Variants in EFCAB13 observed in about 807,000 individuals in gnomAD.
EFCAB13 encodes the protein EF-hand calcium binding domain 13, also known as EF-hand calcium-binding domain-containing protein 13.
EFCAB13 carries 91 observed loss-of-function variants against 110.2 expected under a neutral mutation model. The observed-to-expected ratio is 0.83, with a 90% CI of 0.70 to 0.98. The LOEUF is 0.98. Ranked by LOEUF, EFCAB13 falls within the 50% of genes least tolerant of loss-of-function variation. The pLI, the probability that EFCAB13 is intolerant of heterozygous loss-of-function variation, is 0.00. For missense variants in EFCAB13, 968 were observed against 1,119.4 expected (o/e 0.86, Z 1.93); for synonymous variants, 323 against 369.9 (o/e 0.87, Z 1.45).
At chr17:47,388,524 A>G (rs150379573) in intron 14 of EFCAB13, among the ~76,000 whole-genome samples, 1 of 152,230 alleles carries the variant, frequency 6.6e-6, no homozygotes, top group East Asian at 1.9e-4. Context: ...CTGTTCTGCC[A>G]TTTTGGTGAC....
At chr17:47,399,017 G>C (rs1367506452) in intron 17 of EFCAB13, among the ~76,000 whole-genome samples, 1 of 152,126 alleles carries the variant, frequency 6.6e-6, no homozygotes, top group African/African-American at 2.4e-5. Flanking sequence ...TCTGCCTCCC[G>C]GTTCAAGCGA....
At chr17:47,344,950 T>C (rs911478948) in intron 7 of EFCAB13, 66 bp from the exon 8 acceptor site, 1 of 1,208,400 alleles carries the variant, frequency 8.3e-7, no homozygotes, top group Non-Finnish European at 1.2e-6. Context: ...GTAAGTTTGC[T>C]AATATTTTAA....
At chr17:47,409,149 C>T (rs1258623999) in intron 20 of EFCAB13, among the ~76,000 whole-genome samples, 1 of 152,114 alleles carries the variant, frequency 6.6e-6, no homozygotes, top group Non-Finnish European at 1.5e-5. Flanking sequence ...GTTTGTTCCT[C>T]AGATCTCTAC....
At chr17:47,397,555 C>G (rs551103767) in intron 17 of EFCAB13, among the ~76,000 whole-genome samples, 267 of 150,724 alleles carry the variant, frequency 1.8e-3, no homozygotes, top group Non-Finnish European at 2.8e-3. Context: ...GCCATCCCAT[C>G]TAGGAAGTGA....
intron 23 of EFCAB13, among the ~76,000 whole-genome samples, chr17:47,419,871 AAAAC>A (rs1418769821): frequency 6.6e-6 from 1 of 151,848 alleles, no homozygotes; most frequent in African/African-American, 2.4e-5. Context: ...ATTTTTAAAA[AAAAC>A]AAAGTTCACT....
At chr17:47,391,987 T>C (rs1351127449) in intron 15 of EFCAB13, among the ~76,000 whole-genome samples, 5 of 152,116 alleles carry the variant, frequency 3.3e-5, no homozygotes, top group Non-Finnish European at 7.4e-5. Flanking sequence ...AGTTAAACCA[T>C]TTTTGAGTAT....
intron 10 of EFCAB13, among the ~76,000 whole-genome samples, chr17:47,363,739 CATG>C (rs2065529977): frequency 6.6e-6 from 1 of 152,134 alleles, no homozygotes; most frequent in Admixed American, 6.6e-5. Flanking sequence ...AATAATCAGA[CATG>C]ACATCTTTTT....
rs1414203788 is a variant in EFCAB13 at position 47,325,961 on chromosome 17, TAG to T, written c.-247-264_-247-263del. Among the ~76,000 whole-genome samples, 279 of 122,774 alleles carry T rather than the reference TAG, an allele frequency of 2.3e-3. 1 individual carries two copies. The highest frequency in any genetic ancestry group is 3.2e-3 in the East Asian group (13 of 4,008). The allele number at this position is 122,774 out of a possible 152,430, so 80.5% of individuals were successfully genotyped here. ...ATATATATATATATATATATATATA[TAG>T]CATATATATATTTTGTTCATTGGTA... On this transcript the variant is annotated intron_variant, in intron 2 of 24. Coordinates refer to ENST00000331493, the MANE Select transcript of EFCAB13 (RefSeq NM_152347.5).
intron 10 of EFCAB13, among the ~76,000 whole-genome samples, chr17:47,365,321 A>G (rs2065539889): frequency 6.6e-6 from 1 of 152,196 alleles, no homozygotes; most frequent in Admixed American, 6.5e-5. Context: ...AATGTTCTTC[A>G]TTTTATCATA....
At chr17:47,439,171 G>T (rs369341882) in intron 24 of EFCAB13, among the ~76,000 whole-genome samples, 131 of 73,860 alleles carry the variant, frequency 1.8e-3, no homozygotes, top group African/African-American at 2.1e-3. Context: ...TCTTTGTTTT[G>T]TTTTTTTTTT....
At chr17:47,427,209 G>T (rs1598766815) in intron 23 of EFCAB13, among the ~76,000 whole-genome samples, 1 of 152,064 alleles carries the variant, frequency 6.6e-6, no homozygotes, top group Admixed American at 6.5e-5. Context: ...ATACAGTGCT[G>T]TAAATTGAAT....
Position 47,377,863 on chromosome 17 carries a change from T to C in EFCAB13, c.1470T>C (p.Asp490=), listed in dbSNP as rs1301063714. The change falls in exon 13 of 25, where the codon GAT becomes GAC. Residue 490 remains aspartate (D), a synonymous_variant. Coordinates refer to ENST00000331493, the MANE Select transcript of EFCAB13 (RefSeq NM_152347.5). ...CTTCAACAGGAATTAATTTATTAGA[T>C]GAAGAATTCCAGAAGATTGTGACAG... ...ILPSTGINLL[D]EEFQKIVTDT... 1.3e-6 allele frequency: 2 copies of C among 1,596,424 alleles called. No homozygotes were observed. The highest frequency in any genetic ancestry group is 1.8e-5 in the Admixed American group (1 of 54,188).
At chr17:47,415,091 C>T (rs1261956888) in intron 23 of EFCAB13, 172 bp downstream of exon 23, 4 of 397,130 alleles carry the variant, frequency 1.0e-5, no homozygotes, top group Non-Finnish European at 1.8e-5. Flanking sequence ...TTTGTAGGGA[C>T]ATGGATGAAA....
chr17:47,330,993 G>A (rs1294293953), intron 4 of EFCAB13, among the ~76,000 whole-genome samples: 5 of 151,914 alleles, frequency 3.3e-5, no homozygotes, highest in African/African-American at 7.2e-5. Flanking sequence ...ATCTTATTGT[G>A]GTTTTAATTT....
intron 23 of EFCAB13, among the ~76,000 whole-genome samples, chr17:47,424,518 C>T (rs1419021023): frequency 6.6e-6 from 1 of 152,164 alleles, no homozygotes; most frequent in Non-Finnish European, 1.5e-5. Flanking sequence ...AAATGAGAGA[C>T]ATCTGAATGG....
chr17:47,389,999 G>A (rs1483717413), intron 14 of EFCAB13, among the ~76,000 whole-genome samples: 3 of 152,032 alleles, frequency 2.0e-5, no homozygotes, highest in African/African-American at 7.2e-5. Flanking sequence ...ATCATTTTAA[G>A]AATCATCAAG....
chr17:47,439,935 T>C (rs572610521), intron 24 of EFCAB13, among the ~76,000 whole-genome samples: 11 of 151,788 alleles, frequency 7.2e-5, no homozygotes, highest in African/African-American at 2.7e-4. Flanking sequence ...GTATCTTGAA[T>C]TTTTTTTTCA....
intron 4 of EFCAB13, among the ~76,000 whole-genome samples, chr17:47,333,193 T>A (rs1310169827): frequency 6.6e-6 from 1 of 152,222 alleles, no homozygotes; most frequent in Non-Finnish European, 1.5e-5. Flanking sequence ...TAATTAGTGA[T>A]ATTGAGCATT....
intron 19 of EFCAB13, 59 bp from the exon 20 acceptor site, chr17:47,404,503 C>T (rs2065795301): frequency 7.9e-7 from 1 of 1,271,302 alleles, no homozygotes; most frequent in Non-Finnish European, 1.1e-6. Flanking sequence ...TTGATACTAG[C>T]CTTTAAGTAT....
Sources: gnomAD v4.1 joint callset for allele counts (sites outside exome capture counted in the v4.1 genomes callset) on GRCh38, gnomAD v4.1.1 for gene constraint, MANE v1.5 for transcripts, NCBI Gene and HGNC (gene_info 2026-07-23, HGNC 2026-07-21) for gene names.